USP38: variants seen among roughly 807,000 people sequenced by gnomAD.
USP38 encodes ubiquitin carboxyl-terminal hydrolase 38.
In USP38, 49 loss-of-function variants were observed where a neutral mutation model predicts 94.3. The observed-to-expected ratio is 0.52, with a 90% CI of 0.41 to 0.66. The LOEUF (loss-of-function observed/expected upper bound fraction) is 0.66, where lower values mean the gene tolerates loss of function less well. Among genes scored for constraint, USP38 ranks in the 30% least tolerant of loss-of-function variants. USP38 has a pLI of 0.00. For synonymous variants in USP38, 468 were observed against 463.6 expected (o/e 1.01, Z -0.12); for missense variants, 1,128 against 1,229.4 (o/e 0.92, Z 1.23).
intron 9 of USP38, among the ~76,000 whole-genome samples, chr4:143,217,533 G>T (rs138251818): frequency 3.1e-4 from 47 of 152,272 alleles, no homozygotes; most frequent in African/African-American, 1.1e-3. Context: ...GAGTTCCTCT[G>T]CTCTTGAACA....
chr4:143,194,341 A>G (rs1185045101), intron 2 of USP38, among the ~76,000 whole-genome samples: 1 of 152,216 alleles, frequency 6.6e-6, no homozygotes. Context: ...GAGAGGTTAA[A>G]TAATCTATGT....
In USP38 at chr4:143,214,081, T is replaced by A; in HGVS notation, c.2105T>A (p.Val702Asp). ...SVPNESNKILVNKDVPQKPGG... is the reference protein window; with the variant it reads ...SVPNESNKILDNKDVPQKPGG... ...CCTAACGAATCTAACAAGATTCTTG[T>A]TAATAAAGATGTACCTCAGAAACCA... The change falls in exon 9 of 10, where the codon GTT becomes GAT. Residue 702 changes from valine (V) to aspartate (D), a missense_variant. Transcript: ENST00000307017. 1 of 1,613,704 alleles carries A rather than the reference T, an allele frequency of 6.2e-7. No homozygotes were observed. Among genetic ancestry groups the A allele is most frequent in the East Asian group, 2.2e-5 (1 of 44,860 alleles).
chr4:143,187,950 A>G lies in USP38; in HGVS notation c.807A>G (p.Gln269=), dbSNP rs1386723879. The G allele has an allele frequency of 8.1e-6, 13 of 1,610,980 alleles. No individual in the cohort carries two copies. In the Admixed American group the frequency reaches 1.4e-4, roughly 17 times the overall value. The change falls in exon 2 of 10, where the codon CAA becomes CAG. Residue 269 remains glutamine, a synonymous_variant. Coordinates refer to ENST00000307017, the MANE Select transcript of USP38 (RefSeq NM_032557.6). The part of the protein sequence containing the change: ...DPNVKDASMT[Q]ALCRMIDWLS... ...ATGTAAAAGATGCAAGTATGACCCA[A>G]GCCCTTTGCAGGTACTTCTTCATGA...
chr4:143,188,527 G>A (rs56226922), intron 2 of USP38, among the ~76,000 whole-genome samples: 4,373 of 152,106 alleles, frequency 0.029, 189 homozygotes, highest in African/African-American at 0.1. Context: ...CTGTCAATCT[G>A]ACTGTCATTC....
chr4:143,207,539 AAAAG>A (rs538497326), intron 6 of USP38, among the ~76,000 whole-genome samples: 266 of 152,326 alleles, frequency 1.7e-3, no homozygotes, highest in Middle Eastern at 0.01. Context: ...CTCCATCTAA[AAAAG>A]AAAGAAAGAG....
At chr4:143,204,986 A>G (rs1731820370) in intron 5 of USP38, among the ~76,000 whole-genome samples, 1 of 152,150 alleles carries the variant, frequency 6.6e-6, no homozygotes, top group Admixed American at 6.5e-5. Flanking sequence ...TAAGCAATTA[A>G]TGTATATTGC....
chr4:143,204,277 G>A, intron 5 of USP38: 1 of 384,678 alleles, frequency 2.6e-6, no homozygotes, highest in Non-Finnish European at 5.1e-6. Context: ...ACTGCACCTG[G>A]CCTCTTTTTT....
chr4:143,213,938 A>C lies in USP38; in HGVS notation c.1962A>C (p.Ser654=), dbSNP rs760261879. The C allele has an allele frequency of 1.2e-6, 2 of 1,613,744 alleles. No homozygotes were observed. Among genetic ancestry groups the C allele is most frequent in the East Asian group, 2.2e-5 (1 of 44,876 alleles). The change falls in exon 9 of 10, where the codon TCA becomes TCC. Residue 654 remains serine, a synonymous_variant. Transcript: ENST00000307017. ...TGCAAGCCTCTGTACCCGGTCCTTC[A>C]GAAGAACCAGTAGTTTATAATCCAA... The part of the protein sequence containing the change: ...GLMQASVPGP[S]EEPVVYNPTT...
chr4:143,188,047 G>C, intron 2 of USP38, 86 bp downstream of exon 2: 1 of 1,419,438 alleles, frequency 7.0e-7, no homozygotes, highest in Non-Finnish European at 9.4e-7. Context: ...AAAAACTTAC[G>C]AATGTTTAAA....
At position 143,206,207 on chromosome 4, in the gene USP38, G is replaced by A. The variant is rs1302400018; in HGVS notation, c.1384G>A (p.Ala462Thr). 2 of 1,594,580 alleles carry A rather than the reference G, an allele frequency of 1.3e-6. No homozygotes were observed. Among genetic ancestry groups the A allele is most frequent in the Non-Finnish European group, 1.7e-6 (2 of 1,173,020 alleles). The change falls in exon 6 of 10, where the codon GCC (alanine) becomes ACC (threonine). Residue 462 changes from alanine to threonine, a missense_variant. Transcript: ENST00000307017. ...NTCYMNSVIQALFMATDFRRQ... is the reference protein window; with the variant it reads ...NTCYMNSVIQTLFMATDFRRQ... Reference sequence around the variant, plus strand: ...ATGTTATATGAACAGTGTTATACAAGCCTTGTTTATGGCCACAGAGTAAGT... The same window carrying A: ...ATGTTATATGAACAGTGTTATACAAACCTTGTTTATGGCCACAGAGTAAGT...
Position 143,187,895 on chromosome 4 carries a change from T to C in USP38, c.752T>C (p.Val251Ala), listed in dbSNP as rs1474691600. 6.2e-7 allele frequency: 1 copy of C among 1,613,736 alleles called. No individual in the cohort carries two copies. The highest frequency in any genetic ancestry group is 8.5e-7 in the Non-Finnish European group (1 of 1,179,800). Residue 251 changes from valine to alanine, a missense_variant, in exon 2 of 10, where the codon GTT becomes GCT. Transcript: ENST00000307017. ...CATATTCCTCTTCAGATGATTACAG[T>C]TCTCATCAGGAGCCTTACTACGGAT... The part of the protein sequence containing the change: ...VQHIPLQMIT[V>A]LIRSLTTDPN...
At chr4:143,186,383 G>A (rs1731225564) in intron 1 of USP38, among the ~76,000 whole-genome samples, 2 of 152,184 alleles carry the variant, frequency 1.3e-5, no homozygotes, top group Non-Finnish European at 2.9e-5. Context: ...CACTAAACAA[G>A]TTGCTTAATT....
At position 143,202,765 on chromosome 4, in the gene USP38, G is replaced by T. The variant is rs1437491617; in HGVS notation, c.1051-643G>T. Reference sequence around the variant, plus strand: ...ATTTCACTTTTATTTTTAGCCCCAGGTCTTTAAAACTAACAGAAGTTTCTG... The same window carrying T: ...ATTTCACTTTTATTTTTAGCCCCAGTTCTTTAAAACTAACAGAAGTTTCTG... On this transcript the variant is annotated intron_variant, in intron 4 of 9. Coordinates refer to ENST00000307017, the MANE Select transcript of USP38 (RefSeq NM_032557.6). 4.6e-5 allele frequency among the ~76,000 whole-genome samples: 7 copies of T among 152,058 alleles called. No individual in the cohort carries two copies. In the East Asian group the frequency reaches 1.4e-3, roughly 29 times the overall value.
intron 2 of USP38, among the ~76,000 whole-genome samples, chr4:143,190,807 T>G (rs991485540): frequency 5.9e-5 from 9 of 152,108 alleles, no homozygotes; most frequent in Non-Finnish European, 1.2e-4. Context: ...GTCAACCATG[T>G]GGACTCCTGA....
At chr4:143,219,824 C>T (rs1182117600) in intron 9 of USP38, among the ~76,000 whole-genome samples, 3 of 151,854 alleles carry the variant, frequency 2.0e-5, no homozygotes, top group Admixed American at 2.0e-4. Flanking sequence ...TGACTGATTT[C>T]TGATAAAAGT....
In USP38 at chr4:143,185,094, C is replaced by G; in HGVS notation, c.-357C>G. 5.1e-6 allele frequency: 1 copy of G among 194,332 alleles called. No homozygotes were observed. The highest frequency in any genetic ancestry group is 1.0e-5 in the Non-Finnish European group (1 of 96,554). The allele number at this position is 194,332 out of a possible 1,614,324, so 12.0% of individuals were successfully genotyped here. On this transcript the variant is annotated 5_prime_UTR_variant, in exon 1 of 10. Transcript: ENST00000307017. The stretch of plus-strand genomic sequence containing the variant: ...GAGGCGTGCTTCCTCCACCCGCCGG[C>G]TAGCAGCCCCGGGCCCTGAGCTCCC...
At position 143,185,449 on chromosome 4, in the gene USP38, CA is replaced by C; in HGVS notation, c.1del. On this transcript the variant is annotated 5_prime_UTR_variant, in exon 1 of 10. Transcript: ENST00000307017. ...TGGCCCTGGCCTTGCAGCGTGGCGA[CA>C]ATGGACAAGATCCTGGAGGGCCTTG... is the stretch of plus-strand genomic sequence containing the variant. 6.4e-7 allele frequency: 1 copy of C among 1,574,714 alleles called. No homozygotes were observed. Among genetic ancestry groups the C allele is most frequent in the Non-Finnish European group, 8.6e-7 (1 of 1,157,302 alleles).
intron 9 of USP38, among the ~76,000 whole-genome samples, chr4:143,218,280 T>C (rs1278085130): frequency 6.6e-6 from 1 of 152,110 alleles, no homozygotes; most frequent in Non-Finnish European, 1.5e-5. Context: ...ATACTGAAAA[T>C]TATTTGTCTC....
In USP38 at chr4:143,221,293, C is replaced by T. The variant is rs1300726346; in HGVS notation, c.*837C>T. 1 of 152,396 alleles carries T rather than the reference C, an allele frequency of 6.6e-6. No individual in the cohort carries two copies. Among genetic ancestry groups the T allele is most frequent in the East Asian group, 1.9e-4 (1 of 5,196 alleles). The allele number at this position is 152,396 out of a possible 1,614,324, so 9.4% of individuals were successfully genotyped here. ...TAATGAAATGTTAGGAAGTAATTTT[C>T]GTGCTAACATTAAAATTATAACTTT... On this transcript the variant is annotated 3_prime_UTR_variant, in exon 10 of 10. Transcript: ENST00000307017.
Sources: gnomAD v4.1 joint callset for allele counts (sites outside exome capture counted in the v4.1 genomes callset) on GRCh38, gnomAD v4.1.1 for gene constraint, MANE v1.5 for transcripts, NCBI Gene and HGNC (gene_info 2026-07-23, HGNC 2026-07-21) for gene names.